The following ITGB5 variants were observed in gnomAD, a reference collection of about 807,000 sequenced individuals.
The protein encoded by ITGB5 is integrin beta-5.
A neutral mutation model predicts 84.8 loss-of-function variants in ITGB5; 38 were observed. The observed-to-expected ratio is 0.45, with a 90% CI of 0.35 to 0.59. The LOEUF (loss-of-function observed/expected upper bound fraction) is 0.59. Ranked by LOEUF, ITGB5 falls within the 20% of genes least tolerant of loss-of-function variation. ITGB5 has a pLI of 0.01. For missense variants in ITGB5, 905 were observed against 1,034.5 expected, an observed-to-expected ratio of 0.87 and a Z score of 1.72; for synonymous variants, 393 against 414.4, an observed-to-expected ratio of 0.95 and a Z score of 0.63.
intron 9 of ITGB5, among the ~76,000 whole-genome samples, chr3:124,805,133 T>TTCTCTCTCTCTCTC (rs113766698): frequency 6.5e-4 from 93 of 142,098 alleles, no homozygotes; most frequent in African/African-American, 2.3e-3. Context: ...CTTTCTCCCT[T>TTCTCTCTCTCTCTC]TCTCTCTCTC....
chr3:124,857,679 T>C (rs985582124), intron 3 of ITGB5, among the ~76,000 whole-genome samples: 2 of 152,224 alleles, frequency 1.3e-5, no homozygotes, highest in Admixed American at 1.3e-4. Context: ...CACATGCACA[T>C]CTAACCCTTT....
chr3:124,837,806 C>T (rs1025226222), intron 5 of ITGB5, among the ~76,000 whole-genome samples: 4 of 152,182 alleles, frequency 2.6e-5, no homozygotes, highest in South Asian at 2.1e-4. Context: ...CTCCCTGTGG[C>T]GCTGGGAGAT....
At chr3:124,819,225 G>A (rs1186466446) in intron 7 of ITGB5, among the ~76,000 whole-genome samples, 1 of 152,156 alleles carries the variant, frequency 6.6e-6, no homozygotes, top group African/African-American at 2.4e-5. Context: ...GGGTGACCCA[G>A]GAACAGTTTC....
intron 9 of ITGB5, among the ~76,000 whole-genome samples, chr3:124,802,954 C>T (rs1478217418): frequency 3.3e-5 from 5 of 152,138 alleles, no homozygotes; most frequent in African/African-American, 4.8e-5. Flanking sequence ...AGGGCCAGCT[C>T]GGGTCAGTTG....
At chr3:124,864,438 A>ATTGAATAT (rs1309476702) in intron 2 of ITGB5, among the ~76,000 whole-genome samples, 2 of 152,130 alleles carry the variant, frequency 1.3e-5, no homozygotes, top group Non-Finnish European at 2.9e-5. Context: ...CTCCATATTC[A>ATTGAATAT]ATGAATACGG....
chr3:124,853,712 T>C (rs934668516), intron 3 of ITGB5, among the ~76,000 whole-genome samples: 4 of 152,194 alleles, frequency 2.6e-5, no homozygotes, highest in African/African-American at 9.7e-5. Flanking sequence ...AAGCAACCAA[T>C]TACCTGTAGT....
intron 10 of ITGB5, among the ~76,000 whole-genome samples, chr3:124,778,859 A>G (rs1429444070): frequency 6.6e-6 from 1 of 151,156 alleles, no homozygotes; most frequent in African/African-American, 2.4e-5. Flanking sequence ...CCATGGGGAG[A>G]TGCTGAAGCC....
At chr3:124,835,574 G>C (rs1020595154) in intron 5 of ITGB5, among the ~76,000 whole-genome samples, 3 of 152,242 alleles carry the variant, frequency 2.0e-5, no homozygotes, top group Non-Finnish European at 4.4e-5. Context: ...CGATCTGCTA[G>C]CAGAAGCAGC....
chr3:124,766,247 G>T lies in ITGB5; in HGVS notation c.2116C>A (p.Leu706Met). 2 of 1,614,098 alleles carry T rather than the reference G, an allele frequency of 1.2e-6. No homozygotes were observed. The highest frequency in any genetic ancestry group is 1.7e-6 in the Non-Finnish European group (2 of 1,179,986). Residue 706 changes from leucine to methionine, a missense_variant, in exon 13 of 15, where the codon CTG (leucine) becomes ATG (methionine). By Grantham distance (15) the Leu-to-Met change is conservative. Coordinates refer to ENST00000296181, the MANE Select transcript of ITGB5 (RefSeq NM_002213.5). ...CTACCTGGCTCCCTGAGGACGGTCAGGTTGGACTTCCCACTGGGGAGCTCC... is the reference window on the plus strand; with the variant it reads ...CTACCTGGCTCCCTGAGGACGGTCATGTTGGACTTCCCACTGGGGAGCTCC... ...YVELPSGKSN[L>M]TVLREPECGN... is the part of the protein sequence containing the mutation.
chr3:124,843,690 T>C (rs990478113), intron 4 of ITGB5, among the ~76,000 whole-genome samples: 13 of 152,128 alleles, frequency 8.5e-5, no homozygotes, highest in African/African-American at 3.1e-4. Context: ...TCACCTGTGA[T>C]GAGTTATCTG....
chr3:124,892,527 TAAAAAAAA>T (rs34284622), upstream of ITGB5, among the ~76,000 whole-genome samples: 1 of 106,252 alleles, frequency 9.4e-6, no homozygotes, highest in Non-Finnish European at 1.9e-5. Context: ...CCATCTCTAT[TAAAAAAAA>T]AAAAAAAAAA....
At chr3:124,875,160 AG>A (rs1429377492) in intron 1 of ITGB5, among the ~76,000 whole-genome samples, 43 of 152,204 alleles carry the variant, frequency 2.8e-4, no homozygotes, top group African/African-American at 9.2e-4. Context: ...CTCAATATTA[AG>A]AAAGCAAATA....
chr3:124,811,422 A>C (rs966109540), intron 8 of ITGB5, among the ~76,000 whole-genome samples: 3 of 152,264 alleles, frequency 2.0e-5, no homozygotes, highest in African/African-American at 4.8e-5. Flanking sequence ...GGAGGAAATA[A>C]AACAGTATTG....
intron 8 of ITGB5, among the ~76,000 whole-genome samples, chr3:124,810,766 T>C (rs1414203253): frequency 1.3e-5 from 2 of 152,154 alleles, no homozygotes; most frequent in Non-Finnish European, 2.9e-5. Flanking sequence ...ACACAGAGTA[T>C]AGCATGATGT....
At position 124,848,556 on chromosome 3, in the gene ITGB5, C is replaced by A; in HGVS notation, c.364G>T (p.Asp122Tyr). Residue 122 changes from aspartate (D) to tyrosine (Y), a missense_variant and splice_region_variant, in exon 4 of 15, where the codon GAC (aspartate) becomes TAC (tyrosine). This residue lies in a region of ITGB5 where 656 missense variants were observed against 734.7 expected (regional missense o/e 0.89). Transcript: ENST00000296181. Reference protein sequence around the residue: ...QEIAVNLRPGDKTTFQLQVRQ... With the variant: ...QEIAVNLRPGYKTTFQLQVRQ... ...ACCTGTAGCTGGAAGGTGGTCTTGT[C>A]ACCTGCACCAACAGAGAGGCCACGT... The A allele has an allele frequency of 6.2e-7, 1 of 1,610,074 alleles. No homozygotes were observed. Among genetic ancestry groups the A allele is most frequent in the South Asian group, 1.1e-5 (1 of 90,952 alleles).
intron 13 of ITGB5, 38 bp from the exon 14 acceptor site, chr3:124,764,595 C>A (rs1156901681): frequency 6.3e-7 from 1 of 1,580,688 alleles, no homozygotes; most frequent in South Asian, 1.1e-5. Context: ...AAGCCACTAG[C>A]ATCACCATGC....
upstream of ITGB5, among the ~76,000 whole-genome samples, chr3:124,891,590 C>T (rs1935001788): frequency 1.0e-5 from 1 of 99,930 alleles, no homozygotes; most frequent in Non-Finnish European, 1.9e-5. Context: ...TGCATAACTG[C>T]CTCAAAAAAA....
intron 2 of ITGB5, among the ~76,000 whole-genome samples, chr3:124,864,096 C>CTTTTTTTTTT (rs558311822): frequency 2.2e-5 from 1 of 45,468 alleles, no homozygotes; most frequent in African/African-American, 6.9e-5. Context: ...ACCTATATTT[C>CTTTTTTTTTT]TTTTTTTTTT....
At position 124,766,766 on chromosome 3, in the gene ITGB5, G is replaced by A. The variant is rs61761674; in HGVS notation, c.2018-421C>T. On this transcript the variant is annotated intron_variant, in intron 12 of 14. Transcript: ENST00000296181. ...ATTTGAGAAACAGCCCAGGCCACTT[G>A]GGGCTGAGAGCTGGCCACAGAGGCC... 4.3e-3 allele frequency among the ~76,000 whole-genome samples: 651 copies of A among 152,332 alleles called. 8 individuals carry two copies. The highest frequency in any genetic ancestry group is 0.015 in the African/African-American group (603 of 41,582).
Sources: allele counts gnomAD v4.1 joint callset (sites outside exome capture counted in the v4.1 genomes callset), GRCh38; gene constraint gnomAD v4.1.1; regional missense constraint gnomAD v4.1.1; transcripts MANE v1.5; gene names NCBI Gene and HGNC (gene_info 2026-07-23, HGNC 2026-07-21).